OLFML1: variants seen among roughly 807,000 people sequenced by gnomAD.
The protein encoded by OLFML1 is olfactomedin like 1.
OLFML1 carries 33 observed loss-of-function variants against 37.3 expected under a neutral mutation model. The ratio of observed to expected loss-of-function variants is 0.88; its 90% CI spans 0.67 to 1.18. The LOEUF (loss-of-function observed/expected upper bound fraction) is 1.18, where lower values mean the gene tolerates loss of function less well. OLFML1 is among the 50% of genes most tolerant of loss of function. OLFML1 has a pLI of 0.00. For missense variants in OLFML1, 545 were observed against 483.7 expected (o/e 1.13, Z -1.19); for synonymous variants, 186 against 181.3 (o/e 1.03, Z -0.21).
At chr11:7,503,190 A>C (rs570610771) in intron 2 of OLFML1, among the ~76,000 whole-genome samples, 1 of 152,340 alleles carries the variant, frequency 6.6e-6, no homozygotes, top group Non-Finnish European at 1.5e-5. Context: ...GTTGGTAGTC[A>C]TCATTATTTA....
rs761399978 is a variant in OLFML1, at chr11:7,509,966, G to A, written c.987G>A (p.Val329=). The A allele has an allele frequency of 1.9e-6, 3 of 1,614,208 alleles. No homozygotes were observed. The highest frequency in any genetic ancestry group is 1.6e-4 in the Middle Eastern group (1 of 6,062). Residue 329 remains valine, a synonymous_variant, in exon 3 of 3, where the codon GTG becomes GTA. Transcript: ENST00000329293. ...ASFLLCGVLY[V]VYSTGGQGPH... ...TCCTCTTGTGTGGGGTTCTCTATGT[G>A]GTCTACAGTACTGGGGGCCAGGGCC...
At chr11:7,505,920 C>A (rs1256158815) in intron 2 of OLFML1, among the ~76,000 whole-genome samples, 1 of 152,200 alleles carries the variant, frequency 6.6e-6, no homozygotes, top group African/African-American at 2.4e-5. Context: ...TGATTCATAT[C>A]AATCTTCAAG....
intron 2 of OLFML1, among the ~76,000 whole-genome samples, chr11:7,495,804 C>T (rs1342631157): frequency 6.6e-6 from 1 of 152,192 alleles, no homozygotes; most frequent in Non-Finnish European, 1.5e-5. Flanking sequence ...GACACTATTA[C>T]AGCTCCTTTT....
At chr11:7,503,613 T>G (rs74843819) in intron 2 of OLFML1, among the ~76,000 whole-genome samples, 16 of 152,160 alleles carry the variant, frequency 1.1e-4, no homozygotes, top group Non-Finnish European at 1.9e-4. Context: ...AATGCCTCTT[T>G]CAAGGAGTTT....
chr11:7,501,133 T>C (rs958348375), intron 2 of OLFML1, among the ~76,000 whole-genome samples: 3 of 152,114 alleles, frequency 2.0e-5, no homozygotes, highest in Non-Finnish European at 2.9e-5. Context: ...ATGATCAGCA[T>C]AGAACCAGGG....
At chr11:7,498,184 C>A (rs1049125604) in intron 2 of OLFML1, among the ~76,000 whole-genome samples, 3 of 152,194 alleles carry the variant, frequency 2.0e-5, no homozygotes, top group Admixed American at 6.5e-5. Context: ...ATAATCAATT[C>A]TAGTTCAGCA....
At chr11:7,505,871 C>T (rs941244163) in intron 2 of OLFML1, among the ~76,000 whole-genome samples, 7 of 152,052 alleles carry the variant, frequency 4.6e-5, no homozygotes, top group African/African-American at 7.2e-5. Flanking sequence ...AACTGATGAC[C>T]GACTTATCTT....
rs113234262 is a variant in OLFML1 at position 7,488,071 on chromosome 11, T to C, written c.130-56T>C. The C allele has an allele frequency of 9.6e-6, 12 of 1,253,260 alleles. No individual in the cohort carries two copies. In the African/African-American group the frequency reaches 1.1e-4, roughly 11 times the overall value. 77.6% of individuals were successfully genotyped at this position (1,253,260 alleles called of 1,614,324 possible). Reference sequence around the variant, plus strand: ...TTCTATAAATGATAGGTATTTATATTATTTGGGTAATTTAAATAACAAGCA... The same window carrying C: ...TTCTATAAATGATAGGTATTTATATCATTTGGGTAATTTAAATAACAAGCA... On this transcript the variant is annotated intron_variant, in intron 1 of 2. Transcript: ENST00000329293.
At chr11:7,492,500 C>G (rs187543737) in intron 2 of OLFML1, among the ~76,000 whole-genome samples, 2 of 152,296 alleles carry the variant, frequency 1.3e-5, no homozygotes, top group Admixed American at 1.3e-4. Flanking sequence ...TAGTACTAAT[C>G]TTAATGGTTC....
intron 2 of OLFML1, among the ~76,000 whole-genome samples, chr11:7,495,571 G>A (rs1848652338): frequency 6.6e-6 from 1 of 152,054 alleles, no homozygotes; most frequent in African/African-American, 2.4e-5. Context: ...ATCCCTATCT[G>A]TCTGGTGCTC....
At chr11:7,503,470 C>T (rs1590062526) in intron 2 of OLFML1, among the ~76,000 whole-genome samples, 1 of 152,090 alleles carries the variant, frequency 6.6e-6, no homozygotes, top group East Asian at 1.9e-4. Flanking sequence ...GAGAATTGAC[C>T]CTTGGATTTG....
At chr11:7,490,137 G>C (rs968244966) in intron 2 of OLFML1, among the ~76,000 whole-genome samples, 12 of 133,250 alleles carry the variant, frequency 9.0e-5, no homozygotes, top group East Asian at 5.4e-4. Flanking sequence ...TTTGGTGGGG[G>C]GGGGGGCGGG....
At position 7,510,037 on chromosome 11, in the gene OLFML1, A is replaced by T. The variant is rs147412536; in HGVS notation, c.1058A>T (p.Glu353Val). Residue 353 changes from glutamate (E) to valine (V), a missense_variant, in exon 3 of 3, where the codon GAG (glutamate) becomes GTG (valine). By Grantham distance (121) the Glu-to-Val change is moderately radical. Coordinates refer to ENST00000329293, the MANE Select transcript of OLFML1 (RefSeq NM_198474.4). ...CIYDPLGTIS[E>V]EDLPNLFFPK... ...TATGATCCACTGGGCACTATCAGTG[A>T]GGAGGACTTGCCCAACTTGTTCTTC... The T allele has an allele frequency of 3.1e-6, 5 of 1,614,144 alleles. No homozygotes were observed. In the African/African-American group the frequency reaches 6.7e-5, roughly 22 times the overall value.
Position 7,509,941 on chromosome 11 carries a change from T to C in OLFML1, c.962T>C (p.Phe321Ser), listed in dbSNP as rs1848838785. ...AGAAGCCAGGATGCTGAAGCCTCATTCCTCTTGTGTGGGGTTCTCTATGTG... is the reference window on the plus strand; with the variant it reads ...AGAAGCCAGGATGCTGAAGCCTCATCCCTCTTGTGTGGGGTTCTCTATGTG... ...PCRSQDAEAS[F>S]LLCGVLYVVY... Residue 321 changes from phenylalanine (F) to serine (S), a missense_variant, in exon 3 of 3, where the codon TTC becomes TCC. Transcript: ENST00000329293. 1 of 1,614,210 alleles carries C rather than the reference T, an allele frequency of 6.2e-7. No homozygotes were observed. Among genetic ancestry groups the C allele is most frequent in the Non-Finnish European group, 8.5e-7 (1 of 1,180,040 alleles).
At chr11:7,493,919 G>A (rs1172714523) in intron 2 of OLFML1, among the ~76,000 whole-genome samples, 1 of 152,218 alleles carries the variant, frequency 6.6e-6, no homozygotes, top group Non-Finnish European at 1.5e-5. Flanking sequence ...TCCTCAAAAA[G>A]CTTATGGCCA....
intron 2 of OLFML1, 21 bp from the exon 3 acceptor site, chr11:7,509,377 C>A (rs1848824640): frequency 6.4e-7 from 1 of 1,563,610 alleles, no homozygotes; most frequent in Admixed American, 1.9e-5. Flanking sequence ...GTAATCTCTC[C>A]TTTTTCTCCT....
At chr11:7,492,041 T>G (rs1198098233) in intron 2 of OLFML1, among the ~76,000 whole-genome samples, 1 of 152,088 alleles carries the variant, frequency 6.6e-6, no homozygotes, top group East Asian at 1.9e-4. Context: ...AATCACAGAG[T>G]GCTGTCCTGT....
chr11:7,506,505 G>T lies in OLFML1; in HGVS notation c.419-2893G>T, dbSNP rs1047850477. 2.0e-5 allele frequency among the ~76,000 whole-genome samples: 3 copies of T among 152,280 alleles called. No individual in the cohort carries two copies. In the East Asian group the frequency reaches 5.8e-4, roughly 29 times the overall value. ...TGTTGGTGAAGGGACTGGCCAGGGC[G>T]GGGTGTGTGGGGCAGTGTGGGGAAG... On this transcript the variant is annotated intron_variant, in intron 2 of 2. Coordinates refer to ENST00000329293, the MANE Select transcript of OLFML1 (RefSeq NM_198474.4).
At chr11:7,504,458 A>G (rs1407123007) in intron 2 of OLFML1, among the ~76,000 whole-genome samples, 5 of 152,054 alleles carry the variant, frequency 3.3e-5, no homozygotes, top group Non-Finnish European at 7.4e-5. Flanking sequence ...TCAAGCAGAC[A>G]CAGGACATGA....
Sources: allele counts gnomAD v4.1 joint callset (sites outside exome capture counted in the v4.1 genomes callset), GRCh38; gene constraint gnomAD v4.1.1; transcripts MANE v1.5; gene names NCBI Gene and HGNC (gene_info 2026-07-23, HGNC 2026-07-21).